The following RABEP1 variants were observed in gnomAD, a reference collection of about 807,000 sequenced individuals.
The protein encoded by RABEP1 is rabaptin, RAB GTPase binding effector protein 1.
RABEP1 carries 51 observed loss-of-function variants against 123.4 expected under a neutral mutation model. The ratio of observed to expected loss-of-function variants is 0.41; its 90% CI spans 0.33 to 0.52. The LOEUF is 0.52. Among genes scored for constraint, RABEP1 ranks in the 20% least tolerant of loss-of-function variants. RABEP1 has a pLI of 0.16. For missense variants in RABEP1, 888 were observed against 996.3 expected, an observed-to-expected ratio of 0.89 and a Z score of 1.46; for synonymous variants, 347 against 355.2, an observed-to-expected ratio of 0.98 and a Z score of 0.26.
chr17:5,384,572 C>G lies in RABEP1; in HGVS notation c.*1349C>G, dbSNP rs144304662. ...CCACCATCAACTTAAAGTGAATTGT[C>G]TTTGTTATAAATGAGGTCACTATGG... On this transcript the variant is annotated 3_prime_UTR_variant, in exon 18 of 18. Transcript: ENST00000537505. The G allele has an allele frequency of 2.1e-4, 46 of 216,242 alleles. No homozygotes were observed. The highest frequency in any genetic ancestry group is 9.7e-4 in the African/African-American group (43 of 44,558). The allele number at this position is 216,242 out of a possible 1,614,324, so 13.4% of individuals were successfully genotyped here. A position where few individuals can be genotyped will look rare whatever the true frequency, so the allele number is the denominator to read the frequency against.
intron 1 of RABEP1, among the ~76,000 whole-genome samples, chr17:5,293,455 G>C (rs761536675): frequency 6.6e-6 from 1 of 152,004 alleles, no homozygotes; most frequent in Non-Finnish European, 1.5e-5. Flanking sequence ...TTTTGAGACA[G>C]GGTCTCTCTC....
intron 8 of RABEP1, chr17:5,356,620 T>C (rs1461346638): frequency 6.1e-6 from 1 of 164,694 alleles, no homozygotes; most frequent in Non-Finnish European, 1.3e-5. Flanking sequence ...CCAGAGATAA[T>C]ATATATGTTA....
chr17:5,367,245 TACACACACACAC>T (rs145302611), intron 11 of RABEP1, among the ~76,000 whole-genome samples: 1 of 147,666 alleles, frequency 6.8e-6, no homozygotes, highest in Admixed American at 6.8e-5. Flanking sequence ...AGAACTTAGA[TACACACACACAC>T]ACACACACAC....
At chr17:5,327,712 CATT>C (rs1906118928) in intron 2 of RABEP1, among the ~76,000 whole-genome samples, 1 of 152,088 alleles carries the variant, frequency 6.6e-6, no homozygotes, top group African/African-American at 2.4e-5. Flanking sequence ...TCAAAATGAT[CATT>C]ACCTTTTTGT....
intron 1 of RABEP1, among the ~76,000 whole-genome samples, chr17:5,288,408 T>G (rs1171040242): frequency 2.0e-5 from 3 of 152,280 alleles, no homozygotes; most frequent in Non-Finnish European, 4.4e-5. Context: ...TATTTATTTA[T>G]TTTTTGAGAT....
intron 2 of RABEP1, among the ~76,000 whole-genome samples, chr17:5,309,951 G>C (rs543696389): frequency 1.8e-4 from 27 of 152,300 alleles, no homozygotes; most frequent in African/African-American, 6.3e-4. Context: ...ACTAAATTTT[G>C]AAAACTGCTC....
chr17:5,358,557 C>A (rs553790013), intron 8 of RABEP1, among the ~76,000 whole-genome samples: 16 of 152,090 alleles, frequency 1.1e-4, no homozygotes, highest in African/African-American at 3.4e-4. Context: ...GTCGTCCCAG[C>A]TACTCACTGT....
Position 5,361,618 on chromosome 17 carries a change from G to A in RABEP1, c.1506G>A (p.Val502=), listed in dbSNP as rs377248078. The A allele has an allele frequency of 4.3e-6, 7 of 1,613,850 alleles. No individual in the cohort carries two copies. In the African/African-American group the frequency reaches 8.0e-5, roughly 18 times the overall value. The stretch of plus-strand genomic sequence containing the variant: ...CCCAGGGCATGGAGAGTGCCTATGT[G>A]TCCCCTAGTGGTTATCGTTTAGTTA... ...SVTQGMESAY[V]SPSGYRLVSE... Residue 502 remains valine (V), a synonymous_variant, in exon 9 of 18, where the codon GTG becomes GTA. Transcript: ENST00000537505.
At chr17:5,362,839 C>T in intron 9 of RABEP1, 73 bp from the exon 10 acceptor site, 1 of 973,266 alleles carries the variant, frequency 1.0e-6, no homozygotes, top group East Asian at 2.4e-5. Flanking sequence ...ATTGGTAAGA[C>T]TATGCACGTG....
chr17:5,325,989 C>T (rs764666048), intron 2 of RABEP1, among the ~76,000 whole-genome samples: 4 of 152,004 alleles, frequency 2.6e-5, no homozygotes, highest in African/African-American at 7.2e-5. Context: ...AAAATACTGC[C>T]GATACCAAAA....
Position 5,300,930 on chromosome 17 carries a change from G to A in RABEP1, c.35-7764G>A, listed in dbSNP as rs750826253. 4.2e-4 allele frequency among the ~76,000 whole-genome samples: 64 copies of A among 152,154 alleles called. 1 individual carries two copies. Among genetic ancestry groups the A allele is most frequent in the Non-Finnish European group, 3.4e-4 (23 of 68,040 alleles). ...AAAAGGGCTTGTTAAGCATGTTACCGGGCCCCATCTCCAGAATTTCTGATT... is the reference window on the plus strand; with the variant it reads ...AAAAGGGCTTGTTAAGCATGTTACCAGGCCCCATCTCCAGAATTTCTGATT... On this transcript the variant is annotated intron_variant, in intron 1 of 17. Transcript: ENST00000537505.
At chr17:5,343,739 G>T (rs1214971754) in intron 5 of RABEP1, among the ~76,000 whole-genome samples, 1 of 130,932 alleles carries the variant, frequency 7.6e-6, no homozygotes, top group Non-Finnish European at 1.6e-5. Flanking sequence ...GTAGTGGCAT[G>T]ATCTTGGCTC....
intron 1 of RABEP1, among the ~76,000 whole-genome samples, chr17:5,303,429 A>G (rs922748446): frequency 6.6e-6 from 1 of 151,994 alleles, no homozygotes; most frequent in African/African-American, 2.4e-5. Flanking sequence ...TTTGGTAGAG[A>G]CAGGGTTTCG....
intron 2 of RABEP1, among the ~76,000 whole-genome samples, chr17:5,323,654 C>G (rs1028452915): frequency 1.4e-5 from 2 of 145,132 alleles, no homozygotes; most frequent in Admixed American, 7.1e-5. Flanking sequence ...GTATGTGTGT[C>G]CTCTTCAATT....
chr17:5,386,169 G>A lies in RABEP1; in HGVS notation c.*2946G>A. 4.6e-6 allele frequency: 7 copies of A among 1,512,656 alleles called. No individual in the cohort carries two copies. Among genetic ancestry groups the A allele is most frequent in the Non-Finnish European group, 6.4e-6 (7 of 1,099,232 alleles). 93.7% of individuals were successfully genotyped at this position (1,512,656 alleles called of 1,614,324 possible). A position where few individuals can be genotyped will look rare whatever the true frequency, so the allele number is the denominator to read the frequency against. On this transcript the variant is annotated 3_prime_UTR_variant, in exon 18 of 18. Coordinates refer to ENST00000537505, the MANE Select transcript of RABEP1 (RefSeq NM_004703.6). Reference sequence around the variant, plus strand: ...TACAATATGGGTTTAAGCCTTCAATGGTGTTCAGTTCAGGTGTGAGTCAGC... The same window carrying A: ...TACAATATGGGTTTAAGCCTTCAATAGTGTTCAGTTCAGGTGTGAGTCAGC...
In RABEP1 at chr17:5,338,318, T is replaced by C. The variant is rs1281080524; in HGVS notation, c.648+180T>C. 5.6e-6 allele frequency: 4 copies of C among 715,438 alleles called. No individual in the cohort carries two copies. In the African/African-American group the frequency reaches 5.6e-5, roughly 10 times the overall value. 44.3% of individuals were successfully genotyped at this position (715,438 alleles called of 1,614,324 possible). On this transcript the variant is annotated intron_variant, in intron 5 of 17. Transcript: ENST00000537505. ...GGCTCACGCCTGTAATCCCAGCACT[T>C]TGGGAGGCTGAGGCGGGCGGATCAC...
intron 8 of RABEP1, among the ~76,000 whole-genome samples, chr17:5,355,705 A>T (rs887602851): frequency 6.6e-6 from 1 of 152,162 alleles, no homozygotes; most frequent in African/African-American, 2.4e-5. Flanking sequence ...GCCATACATA[A>T]TCTACATCCT....
At position 5,383,189 on chromosome 17, in the gene RABEP1, A is replaced by G. The variant is rs1235338785; in HGVS notation, c.2555A>G (p.Lys852Arg). Residue 852 changes from lysine to arginine, a missense_variant, in exon 18 of 18, where the codon AAA becomes AGA. Transcript: ENST00000537505. ...ERIRAILNDT[K>R]LTDINQLPET ...ATCCGGGCAATTCTGAATGATACTA[A>G]ACTGACAGACATTAACCAGCTTCCT... The G allele has an allele frequency of 1.2e-6, 2 of 1,614,154 alleles. No homozygotes were observed. Among genetic ancestry groups the G allele is most frequent in the East Asian group, 4.5e-5 (2 of 44,892 alleles).
intron 1 of RABEP1, among the ~76,000 whole-genome samples, chr17:5,295,489 T>G (rs2075074566): frequency 6.8e-6 from 1 of 147,392 alleles, no homozygotes; most frequent in South Asian, 2.6e-4. Flanking sequence ...AGTATTGTTT[T>G]TATTTTTTTC....
Sources: gnomAD v4.1 joint callset for allele counts (sites outside exome capture counted in the v4.1 genomes callset) on GRCh38, gnomAD v4.1.1 for gene constraint, MANE v1.5 for transcripts, NCBI Gene and HGNC (gene_info 2026-07-23, HGNC 2026-07-21) for gene names.